Variants in HLCS observed in about 807,000 individuals in gnomAD.
HLCS encodes the protein holocarboxylase synthetase, also known as biotin--protein ligase.
A neutral mutation model predicts 75.0 loss-of-function variants in HLCS; 53 were observed. That is an observed-to-expected ratio of 0.71 (90% CI 0.57 to 0.89). HLCS has a LOEUF of 0.89. Among genes scored for constraint, HLCS ranks in the 40% least tolerant of loss-of-function variants. The pLI is 0.00. For synonymous variants in HLCS, 431 were observed against 428.6 expected (o/e 1.01, Z -0.07); for missense variants, 966 against 1,074.0 (o/e 0.90, Z 1.41).
rs141879277 is a variant in HLCS, at chr21:36,899,599, G to C, written c.1621-2468C>G. 4.2e-3 allele frequency among the ~76,000 whole-genome samples: 641 copies of C among 152,260 alleles called. 3 individuals carry two copies. The highest frequency in any genetic ancestry group is 0.014 in the African/African-American group (587 of 41,538). On this transcript the variant is annotated intron_variant, in intron 5 of 10. Transcript: ENST00000674895. ...AGATCACGCCATCACACTCCAGCCT[G>C]GAGACAGAGCAAAACTGCATCTCAA...
intron 6 of HLCS, among the ~76,000 whole-genome samples, chr21:36,774,910 G>C (rs962112359): frequency 6.6e-6 from 1 of 152,200 alleles, no homozygotes; most frequent in Non-Finnish European, 1.5e-5. Flanking sequence ...CAGTTTTATT[G>C]ATATATTCTT....
intron 6 of HLCS, among the ~76,000 whole-genome samples, chr21:36,865,772 A>G (rs910773507): frequency 4.6e-5 from 7 of 152,238 alleles, no homozygotes; most frequent in African/African-American, 1.7e-4. Flanking sequence ...CATACTTTAT[A>G]TAACATCAGC....
At chr21:36,836,120 C>G (rs992038671) in intron 6 of HLCS, among the ~76,000 whole-genome samples, 5 of 150,502 alleles carry the variant, frequency 3.3e-5, no homozygotes, top group Admixed American at 6.6e-5. Context: ...ACAAAAGTCC[C>G]CCGAGAAAAT....
Position 36,842,031 on chromosome 21 carries a change from G to A in HLCS, c.1892+54829C>T, listed in dbSNP as rs1569087034. Among the ~76,000 whole-genome samples, 1 of 152,112 alleles carries A rather than the reference G, an allele frequency of 6.6e-6. No homozygotes were observed. The highest frequency in any genetic ancestry group is 2.1e-4 in the South Asian group (1 of 4,830). On this transcript the variant is annotated intron_variant, in intron 6 of 10. Transcript: ENST00000674895. The surrounding 1 kb of genome is among the most constrained non-coding windows in gnomAD (Gnocchi z 4.2). ...ATATGTTCACCAAAAGAATCAGATG[G>A]TTCATAACAGCATGATTCATAATAG...
At chr21:36,765,308 T>C in intron 7 of HLCS, 136 bp from the exon 8 acceptor site, 1 of 885,730 alleles carries the variant, frequency 1.1e-6, no homozygotes, top group Non-Finnish European at 1.8e-6. Flanking sequence ...CTTATTATAT[T>C]CTGGGCTTAA....
At chr21:36,793,814 G>C (rs367689954) in intron 6 of HLCS, among the ~76,000 whole-genome samples, 1 of 152,204 alleles carries the variant, frequency 6.6e-6, no homozygotes, top group South Asian at 2.1e-4. Context: ...TCAGGCATGT[G>C]GCTGCTGGTG....
intron 2 of HLCS, among the ~76,000 whole-genome samples, chr21:36,958,169 G>A (rs1038453828): frequency 2.0e-4 from 31 of 151,280 alleles, no homozygotes; most frequent in Non-Finnish European, 7.4e-5. Flanking sequence ...CGTCAACCTG[G>A]GAGGCGGAGC....
chr21:36,751,486 C>G lies in HLCS; in HGVS notation c.*2760G>C, dbSNP rs1458666683. On this transcript the variant is annotated 3_prime_UTR_variant, in exon 11 of 11. Transcript: ENST00000674895. Reference sequence around the variant, plus strand: ...GACTCCAGGGCAAGGGGCGACCATGCTGTATATGCTGTGCCTTGGGGGACC... The same window carrying G: ...GACTCCAGGGCAAGGGGCGACCATGGTGTATATGCTGTGCCTTGGGGGACC... 6.6e-6 allele frequency: 1 copy of G among 152,306 alleles called. No individual in the cohort carries two copies. The highest frequency in any genetic ancestry group is 1.5e-5 in the Non-Finnish European group (1 of 68,076). 9.4% of individuals were successfully genotyped at this position (152,306 alleles called of 1,614,324 possible). A position where few individuals can be genotyped will look rare whatever the true frequency, so the allele number is the denominator to read the frequency against.
intron 6 of HLCS, among the ~76,000 whole-genome samples, chr21:36,853,412 T>C (rs1291637154): frequency 3.3e-5 from 5 of 152,224 alleles, no homozygotes; most frequent in Admixed American, 2.6e-4. Flanking sequence ...AGACAGGTCA[T>C]ACAAAATTCT....
At chr21:36,960,325 T>C (rs2146657420) in intron 2 of HLCS, among the ~76,000 whole-genome samples, 1 of 152,268 alleles carries the variant, frequency 6.6e-6, no homozygotes, top group Admixed American at 6.5e-5. Flanking sequence ...CAGAGGTTTC[T>C]GTCTGGTGAA....
chr21:36,787,919 C>G (rs906998895), intron 6 of HLCS, among the ~76,000 whole-genome samples: 7 of 152,198 alleles, frequency 4.6e-5, no homozygotes, highest in Non-Finnish European at 8.8e-5. Context: ...CCCTACCCAC[C>G]AGCAGGGCTG....
At chr21:36,754,702 A>T (rs1393476249) in intron 10 of HLCS, among the ~76,000 whole-genome samples, 1 of 152,200 alleles carries the variant, frequency 6.6e-6, no homozygotes, top group Non-Finnish European at 1.5e-5. Context: ...TGATGGCTGG[A>T]ACCACTTCCT....
At chr21:36,919,154 G>A (rs2066054407) in intron 5 of HLCS, among the ~76,000 whole-genome samples, 2 of 152,196 alleles carry the variant, frequency 1.3e-5, no homozygotes. Context: ...GTAGAAAGAA[G>A]TGAAATAAGA....
chr21:36,821,630 A>G (rs900190283), intron 6 of HLCS, among the ~76,000 whole-genome samples: 1 of 152,194 alleles, frequency 6.6e-6, no homozygotes, highest in Non-Finnish European at 1.5e-5. Context: ...TGCAACCCAA[A>G]TGTTCACATC....
chr21:36,793,253 C>A (rs561592177), intron 6 of HLCS, among the ~76,000 whole-genome samples: 3 of 151,108 alleles, frequency 2.0e-5, no homozygotes, highest in South Asian at 4.2e-4. Context: ...CAGGTGTGTG[C>A]CTGTCGGAGG....
rs1437323082 is a variant in HLCS at position 36,845,972 on chromosome 21, T to C, written c.1892+50888A>G. 2.6e-5 allele frequency among the ~76,000 whole-genome samples: 4 copies of C among 152,318 alleles called. No individual in the cohort carries two copies. In the East Asian group the frequency reaches 7.7e-4, roughly 29 times the overall value. On this transcript the variant is annotated intron_variant, in intron 6 of 10. Transcript: ENST00000674895. ...ACCTAGATTCAAATTCTGCACTTCT[T>C]AGCTGAGTGACCTCGAAGCCTCTGT...
intron 6 of HLCS, among the ~76,000 whole-genome samples, chr21:36,875,107 C>T (rs2063917832): frequency 2.6e-5 from 4 of 152,172 alleles, no homozygotes; most frequent in Admixed American, 1.3e-4. Flanking sequence ...GAGGACTAAG[C>T]GTGACTTTGT....
At chr21:36,986,865 C>T (rs1293359105) in intron 1 of HLCS, 1 of 152,290 alleles carries the variant, frequency 6.6e-6, no homozygotes, top group Non-Finnish European at 1.5e-5. Flanking sequence ...TTTTCCAACT[C>T]TGTTGTTCCT....
chr21:36,808,303 T>C (rs1242356861), intron 6 of HLCS, among the ~76,000 whole-genome samples: 2 of 152,220 alleles, frequency 1.3e-5, no homozygotes, highest in Non-Finnish European at 2.9e-5. Context: ...GCTCATCATA[T>C]TATTACAACC....
Sources: gnomAD v4.1 joint callset for allele counts (sites outside exome capture counted in the v4.1 genomes callset) on GRCh38, gnomAD v4.1.1 for gene constraint, Gnocchi (gnomAD v3.1) non-coding constraint, MANE v1.5 for transcripts, NCBI Gene and HGNC (gene_info 2026-07-23, HGNC 2026-07-21) for gene names.